The following NALCN variants were observed in gnomAD, a reference collection of about 807,000 sequenced individuals.
NALCN encodes the protein sodium leak channel NALCN.
NALCN carries 111 observed loss-of-function variants against 225.3 expected under a neutral mutation model. The ratio of observed to expected loss-of-function variants is 0.49; its 90% CI spans 0.42 to 0.58. The LOEUF is 0.58. Ranked by LOEUF, NALCN falls within the 20% of genes least tolerant of loss-of-function variation. NALCN has a pLI of 0.00. For synonymous variants in NALCN, 764 were observed against 769.0 expected, an observed-to-expected ratio of 0.99 and a Z score of 0.11; for missense variants, 1,378 against 2,202.4, an observed-to-expected ratio of 0.63 and a Z score of 7.49.
intron 18 of NALCN, among the ~76,000 whole-genome samples, chr13:101,114,080 T>A (rs2139658354): frequency 6.6e-6 from 1 of 152,308 alleles, no homozygotes; most frequent in Middle Eastern, 3.4e-3. Flanking sequence ...GCAGTGCAGC[T>A]GCTGATGGAA....
At chr13:101,222,974 TCC>T (rs2140113518) in intron 13 of NALCN, among the ~76,000 whole-genome samples, 1 of 151,988 alleles carries the variant, frequency 6.6e-6, no homozygotes, top group Non-Finnish European at 1.5e-5. Context: ...ATCACCCAAT[TCC>T]CCAATACTTA....
intron 1 of NALCN, among the ~76,000 whole-genome samples, chr13:101,413,436 A>G (rs1015077548): frequency 2.0e-5 from 3 of 152,136 alleles, no homozygotes; most frequent in Non-Finnish European, 4.4e-5. Flanking sequence ...CAAATGTCCA[A>G]TGATAGAGGT....
chr13:101,258,084 T>C (rs565138841), intron 11 of NALCN, among the ~76,000 whole-genome samples: 38 of 152,290 alleles, frequency 2.5e-4, no homozygotes, highest in African/African-American at 8.4e-4. Context: ...AGCTTATTTA[T>C]GATCTTCTGA....
chr13:101,098,577 A>G (rs572156511), intron 27 of NALCN, among the ~76,000 whole-genome samples: 1 of 152,316 alleles, frequency 6.6e-6, no homozygotes, highest in East Asian at 1.9e-4. Flanking sequence ...TCAGCCTCAT[A>G]CAAGAAAACA....
At chr13:101,143,506 C>T (rs181635166) in intron 16 of NALCN, among the ~76,000 whole-genome samples, 1,539 of 151,278 alleles carry the variant, frequency 0.01, 9 homozygotes, top group Middle Eastern at 0.021. Context: ...CTCTTGTTGC[C>T]CAGGCTGGAG....
At chr13:101,142,753 TGGCA>T in intron 17 of NALCN, 2 of 330,952 alleles carry the variant, frequency 6.0e-6, no homozygotes, top group South Asian at 5.5e-5. Context: ...TTGCAGGAGA[TGGCA>T]GGTCATTACA....
At chr13:101,129,797 G>C (rs938750678) in intron 17 of NALCN, among the ~76,000 whole-genome samples, 4 of 149,520 alleles carry the variant, frequency 2.7e-5, no homozygotes, top group Non-Finnish European at 5.9e-5. Flanking sequence ...AGGTATGCAT[G>C]TCCCACAGTG....
chr13:101,120,541 A>G (rs1268182175), intron 18 of NALCN, among the ~76,000 whole-genome samples: 3 of 151,800 alleles, frequency 2.0e-5, no homozygotes, highest in Non-Finnish European at 4.4e-5. Context: ...AAAAACCACT[A>G]TAAAAGTCAG....
At chr13:101,204,986 T>C (rs1467464466) in intron 13 of NALCN, among the ~76,000 whole-genome samples, 1 of 152,096 alleles carries the variant, frequency 6.6e-6, no homozygotes, top group African/African-American at 2.4e-5. Context: ...CTGAAGTACA[T>C]AGGGTTTAAA....
At chr13:101,257,813 C>G (rs1394849196) in intron 11 of NALCN, among the ~76,000 whole-genome samples, 1 of 151,460 alleles carries the variant, frequency 6.6e-6, no homozygotes, top group East Asian at 1.9e-4. Flanking sequence ...AATATAAATG[C>G]AAAATGCTTA....
At chr13:101,219,798 A>G (rs1566447640) in intron 13 of NALCN, among the ~76,000 whole-genome samples, 1 of 152,128 alleles carries the variant, frequency 6.6e-6, no homozygotes, top group Non-Finnish European at 1.5e-5. Flanking sequence ...GACCTAATGG[A>G]TAATAGTTGG....
intron 9 of NALCN, among the ~76,000 whole-genome samples, chr13:101,288,462 C>A (rs2043423672): frequency 6.6e-6 from 1 of 152,164 alleles, no homozygotes; most frequent in African/African-American, 2.4e-5. Flanking sequence ...TTTAACCCAG[C>A]ACTGAACATT....
chr13:101,327,881 A>C (rs2139220928), intron 7 of NALCN, among the ~76,000 whole-genome samples: 1 of 152,294 alleles, frequency 6.6e-6, no homozygotes, highest in African/African-American at 2.4e-5. Context: ...GGGTTGGCTA[A>C]CTTTCCGTAA....
intron 7 of NALCN, among the ~76,000 whole-genome samples, chr13:101,308,806 G>A (rs1371466573): frequency 6.6e-6 from 1 of 152,156 alleles, no homozygotes; most frequent in Non-Finnish European, 1.5e-5. Context: ...TCCAACTGAT[G>A]TCTGATAAAA....
chr13:101,122,769 A>C (rs1327435962), intron 18 of NALCN, among the ~76,000 whole-genome samples: 1 of 152,142 alleles, frequency 6.6e-6, no homozygotes, highest in Non-Finnish European at 1.5e-5. Context: ...GTCTGGCTTT[A>C]TTTTTCAATT....
chr13:101,143,575 CT>C (rs1275987149), intron 16 of NALCN, among the ~76,000 whole-genome samples: 2 of 152,066 alleles, frequency 1.3e-5, no homozygotes, highest in East Asian at 3.9e-4. Context: ...AGCAATTCTC[CT>C]GCCTCAGCCT....
chr13:101,314,379 C>A (rs2044475676), intron 7 of NALCN, among the ~76,000 whole-genome samples: 1 of 151,942 alleles, frequency 6.6e-6, no homozygotes, highest in Non-Finnish European at 1.5e-5. Context: ...CTAGCTGCAT[C>A]AATCAGAGAC....
At chr13:101,387,177 C>T (rs985357151) in intron 3 of NALCN, among the ~76,000 whole-genome samples, 21 of 144,248 alleles carry the variant, frequency 1.5e-4, no homozygotes, top group African/African-American at 2.6e-4. Context: ...GCCGAGATTG[C>T]GCCACTGCAG....
intron 20 of NALCN, among the ~76,000 whole-genome samples, chr13:101,110,247 G>T (rs748296732): frequency 2.6e-5 from 4 of 152,170 alleles, no homozygotes; most frequent in Admixed American, 6.5e-5. Flanking sequence ...TGAAATTATA[G>T]ACCCTTGATC....
Sources: allele counts gnomAD v4.1 joint callset (sites outside exome capture counted in the v4.1 genomes callset), GRCh38; gene constraint gnomAD v4.1.1; transcripts MANE v1.5; gene names NCBI Gene and HGNC (gene_info 2026-07-23, HGNC 2026-07-21).